The following KLHL8 variants were observed in gnomAD, a reference collection of about 807,000 sequenced individuals.
KLHL8 encodes the protein kelch like family member 8.
In KLHL8, 38 loss-of-function variants were observed where a neutral mutation model predicts 63.5. The observed-to-expected ratio is 0.60, with a 90% CI of 0.46 to 0.78. The LOEUF is 0.78. KLHL8 is among the 30% of genes least tolerant of loss of function. The pLI, the probability that KLHL8 is intolerant of heterozygous loss-of-function variation, is 0.00. For synonymous variants in KLHL8, 224 were observed against 254.3 expected (o/e 0.88, Z 1.13); for missense variants, 566 against 752.4 (o/e 0.75, Z 2.90).
chr4:87,183,528 CTTAAG>C (rs1437032061), intron 3 of KLHL8, 139 bp from the exon 4 acceptor site: 4 of 693,140 alleles, frequency 5.8e-6, no homozygotes, highest in Non-Finnish European at 9.3e-6. Context: ...CTTTTTAAAA[CTTAAG>C]TTGTTACTTC....
In KLHL8 at chr4:87,186,540, C is replaced by T. The variant is rs145319947; in HGVS notation, c.217-741G>A. Among the ~76,000 whole-genome samples the T allele has an allele frequency of 4.6e-3, 691 of 150,464 alleles. 8 individuals carry two copies. The highest frequency in any genetic ancestry group is 0.015 in the African/African-American group (630 of 40,808). The stretch of plus-strand genomic sequence containing the variant: ...TGTTGCCCAGGCTGGAGTGCAGTGA[C>T]GTGATCATGGCTCATTGCAGCCTCA... On this transcript the variant is annotated intron_variant, in intron 2 of 9. Coordinates refer to ENST00000273963, the MANE Select transcript of KLHL8 (RefSeq NM_020803.5).
rs1731490161 is a variant in KLHL8, at chr4:87,191,567, T to C, written c.216+3757A>G. Among the ~76,000 whole-genome samples, 4 of 152,150 alleles carry C rather than the reference T, an allele frequency of 2.6e-5. No homozygotes were observed. The South Asian group carries it at 6.2e-4, about 24-fold the overall frequency. On this transcript the variant is annotated intron_variant, in intron 2 of 9. Transcript: ENST00000273963. ...TTTTTATTTTAAATTTATATTTTTC[T>C]TTTATTGTAAATATATATACATATT...
intron 1 of KLHL8, among the ~76,000 whole-genome samples, chr4:87,235,125 A>G (rs1733204530): frequency 6.6e-6 from 1 of 152,182 alleles, no homozygotes; most frequent in Non-Finnish European, 1.5e-5. Flanking sequence ...GTGTAGCCTG[A>G]CTGTACAGTG....
intron 6 of KLHL8, among the ~76,000 whole-genome samples, chr4:87,174,252 G>A (rs1289086461): frequency 6.7e-6 from 1 of 148,300 alleles, no homozygotes; most frequent in Non-Finnish European, 1.5e-5. Flanking sequence ...ATGTGTGTAT[G>A]TGTGTGTGTA....
At chr4:87,182,374 G>C (rs974583348) in intron 4 of KLHL8, among the ~76,000 whole-genome samples, 1 of 151,538 alleles carries the variant, frequency 6.6e-6, no homozygotes, top group Non-Finnish European at 1.5e-5. Context: ...GTATTACCTA[G>C]ATAAAATCTC....
intron 1 of KLHL8, among the ~76,000 whole-genome samples, chr4:87,210,168 C>A (rs1732344309): frequency 6.6e-6 from 1 of 151,736 alleles, no homozygotes; most frequent in Admixed American, 6.6e-5. Flanking sequence ...CCAAATGGCA[C>A]TTTGAAAGCA....
At chr4:87,238,547 T>C (rs1733274329) in intron 1 of KLHL8, among the ~76,000 whole-genome samples, 1 of 152,190 alleles carries the variant, frequency 6.6e-6, no homozygotes. Flanking sequence ...CTGTTCTTTT[T>C]AATAATGTAG....
chr4:87,178,710 C>CA (rs932555401), intron 4 of KLHL8, 90 bp from the exon 5 acceptor site: 66 of 1,294,104 alleles, frequency 5.1e-5, no homozygotes, highest in African/African-American at 9.2e-5. Flanking sequence ...AGCAAAAAGA[C>CA]AAAAAAAAGT....
intron 1 of KLHL8, among the ~76,000 whole-genome samples, chr4:87,199,837 AAAAC>A (rs1274611221): frequency 5.9e-5 from 9 of 151,842 alleles, no homozygotes; most frequent in African/African-American, 1.7e-4. Context: ...AAAACAAAAC[AAAAC>A]AAACAAACAA....
intron 1 of KLHL8, among the ~76,000 whole-genome samples, chr4:87,196,335 C>T (rs1731701599): frequency 2.6e-5 from 4 of 151,992 alleles, no homozygotes; most frequent in Admixed American, 6.6e-5. Flanking sequence ...TACAGTAAAA[C>T]ACTAGTATAG....
At position 87,160,819 on chromosome 4, in the gene KLHL8, T is replaced by C. The variant is rs142348366; in HGVS notation, c.*2700A>G. The C allele has an allele frequency of 3.8e-4, 58 of 152,310 alleles. No individual in the cohort carries two copies. Among genetic ancestry groups the C allele is most frequent in the African/African-American group, 1.3e-3 (54 of 41,576 alleles). 9.4% of individuals were successfully genotyped at this position (152,310 alleles called of 1,614,324 possible). On this transcript the variant is annotated 3_prime_UTR_variant, in exon 10 of 10. Transcript: ENST00000273963. ...TTGCAATTTCAGTATTTTAGCTCTA[T>C]CTCATATCATTTTTTGGTAGGTGCT...
At chr4:87,174,301 G>A (rs915951172) in intron 6 of KLHL8, among the ~76,000 whole-genome samples, 1 of 149,384 alleles carries the variant, frequency 6.7e-6, no homozygotes, top group African/African-American at 2.5e-5. Flanking sequence ...TTTTTGAGAC[G>A]GAATTTTGCT....
rs1340078073 is a variant in KLHL8 at position 87,226,744 on chromosome 4, T to A, written n.58-5354A>T. ...TTATATATAATATATATTATTTATA[T>A]ATAATATATATTATTTATATATAAT... is the stretch of plus-strand genomic sequence containing the variant. On this transcript the variant is annotated intron_variant and non_coding_transcript_variant, in intron 1 of 1. Coordinates refer to the KLHL8 transcript ENST00000506274. 1.2e-3 allele frequency among the ~76,000 whole-genome samples: 25 copies of A among 20,708 alleles called. 6 individuals carry two copies. Among genetic ancestry groups the A allele is most frequent in the Non-Finnish European group, 1.8e-3 (24 of 13,714 alleles). The allele number at this position is 20,708 out of a possible 152,430, so 13.6% of individuals were successfully genotyped here. A position where few individuals can be genotyped will look rare whatever the true frequency, so the allele number is the denominator to read the frequency against.
At chr4:87,239,091 T>C (rs1452259712) in intron 1 of KLHL8, among the ~76,000 whole-genome samples, 1 of 152,220 alleles carries the variant, frequency 6.6e-6, no homozygotes, top group African/African-American at 2.4e-5. Context: ...TATACCTTTT[T>C]CGCACTCAGT....
At chr4:87,208,526 T>C (rs1168065634) in intron 1 of KLHL8, among the ~76,000 whole-genome samples, 1 of 152,032 alleles carries the variant, frequency 6.6e-6, no homozygotes, top group Non-Finnish European at 1.5e-5. Context: ...TTTGTAGAGA[T>C]GGGGTTTTGC....
intron 4 of KLHL8, among the ~76,000 whole-genome samples, chr4:87,182,146 G>A (rs944040670): frequency 2.7e-5 from 4 of 149,158 alleles, no homozygotes; most frequent in Non-Finnish European, 4.4e-5. Flanking sequence ...GAAGAATGGC[G>A]TGAACCTGGG....
intron 1 of KLHL8, among the ~76,000 whole-genome samples, chr4:87,230,125 C>T (rs1288925733): frequency 6.6e-6 from 1 of 152,126 alleles, no homozygotes; most frequent in Admixed American, 6.6e-5. Flanking sequence ...TAATGCAGTA[C>T]TTCTGAGCTA....
At position 87,226,746 on chromosome 4, in the gene KLHL8, TA is replaced by T. The variant is rs1165434653; in HGVS notation, n.58-5357del. ...ATATATAATATATATTATTTATATA[TA>T]ATATATATTATTTATATATAATATA... On this transcript the variant is annotated intron_variant and non_coding_transcript_variant, in intron 1 of 1. Coordinates refer to the KLHL8 transcript ENST00000506274. Among the ~76,000 whole-genome samples the T allele has an allele frequency of 9.3e-5, 2 of 21,452 alleles. 1 individual carries two copies. The highest frequency in any genetic ancestry group is 5.5e-4 in the African/African-American group (2 of 3,632). 14.1% of individuals were successfully genotyped at this position (21,452 alleles called of 152,430 possible).
chr4:87,178,880 G>A (rs929849400), intron 4 of KLHL8, among the ~76,000 whole-genome samples: 5 of 152,058 alleles, frequency 3.3e-5, no homozygotes, highest in African/African-American at 9.7e-5. Flanking sequence ...CTCTTCCTAA[G>A]GTCGTAACAA....
Sources: allele counts gnomAD v4.1 joint callset (sites outside exome capture counted in the v4.1 genomes callset), GRCh38; gene constraint gnomAD v4.1.1; transcripts MANE v1.5; gene names NCBI Gene and HGNC (gene_info 2026-07-23, HGNC 2026-07-21).